PPM1B: variants seen among roughly 807,000 people sequenced by gnomAD.
PPM1B encodes the protein protein phosphatase, Mg2+/Mn2+ dependent 1B.
Under a neutral mutation model 43.0 loss-of-function variants are expected in PPM1B, and 22 were observed. The ratio of observed to expected loss-of-function variants is 0.51; its 90% CI spans 0.37 to 0.73. The LOEUF (loss-of-function observed/expected upper bound fraction) is 0.73. PPM1B is among the 30% of genes least tolerant of loss of function. The pLI, the probability that PPM1B is intolerant of heterozygous loss-of-function variation, is 0.00. For synonymous variants in PPM1B, 217 were observed against 197.9 expected (o/e 1.10, Z -0.81); for missense variants, 632 against 584.2 (o/e 1.08, Z -0.84).
intron 4 of PPM1B, 142 bp downstream of exon 4, chr2:44,218,220 A>C (rs1669815038): frequency 4.2e-6 from 3 of 711,756 alleles, no homozygotes; most frequent in Non-Finnish European, 7.1e-6. Flanking sequence ...AAGAACTCTT[A>C]AAACTTCAAC....
At chr2:44,224,271 T>C (rs1670112210) in intron 5 of PPM1B, among the ~76,000 whole-genome samples, 1 of 152,018 alleles carries the variant, frequency 6.6e-6, no homozygotes, top group African/African-American at 2.4e-5. Flanking sequence ...CTGGCTAACA[T>C]GGTGATACCC....
intron 1 of PPM1B, among the ~76,000 whole-genome samples, chr2:44,177,949 G>C (rs1245628402): frequency 6.8e-6 from 1 of 146,280 alleles, no homozygotes; most frequent in East Asian, 2.0e-4. Flanking sequence ...AGACAGTCCG[G>C]CTCTGTTGCT....
chr2:44,233,614 A>G (rs1038966968), downstream of PPM1B: 10 of 985,820 alleles, frequency 1.0e-5, no homozygotes, highest in African/African-American at 1.7e-4. Flanking sequence ...GCAGGATGTA[A>G]TTGCCCTTGT....
At chr2:44,186,649 A>G (rs1668138405) in intron 1 of PPM1B, among the ~76,000 whole-genome samples, 1 of 152,218 alleles carries the variant, frequency 6.6e-6, no homozygotes, top group South Asian at 2.1e-4. Context: ...TGCTGGGATT[A>G]TTGGCGTGAG....
chr2:44,203,766 A>G (rs942409880), intron 2 of PPM1B, among the ~76,000 whole-genome samples: 25 of 152,164 alleles, frequency 1.6e-4, no homozygotes, highest in African/African-American at 5.8e-4. Flanking sequence ...TTATTGAAAG[A>G]ATGAGGTTGT....
intron 5 of PPM1B, among the ~76,000 whole-genome samples, chr2:44,240,686 C>G (rs959691821): frequency 6.8e-6 from 1 of 146,010 alleles, no homozygotes; most frequent in African/African-American, 2.5e-5. Flanking sequence ...TTTGAAAAGA[C>G]AATTTTCCTG....
At chr2:44,223,926 G>T (rs761390732) in intron 5 of PPM1B, among the ~76,000 whole-genome samples, 1 of 150,094 alleles carries the variant, frequency 6.7e-6, no homozygotes, top group Non-Finnish European at 1.5e-5. Context: ...TTGCTATGTG[G>T]TCTTGACCAT....
At chr2:44,178,763 C>A (rs954102124) in intron 1 of PPM1B, among the ~76,000 whole-genome samples, 4 of 152,078 alleles carry the variant, frequency 2.6e-5, no homozygotes, top group Admixed American at 1.3e-4. Context: ...AGCCACCATG[C>A]CCAGCCAAAA....
intron 1 of PPM1B, among the ~76,000 whole-genome samples, chr2:44,169,671 A>G (rs1372595026): frequency 6.6e-6 from 1 of 152,188 alleles, no homozygotes; most frequent in Non-Finnish European, 1.5e-5. Flanking sequence ...TGAAAACACT[A>G]TCTTTTACCA....
In PPM1B at chr2:44,217,947, T is replaced by G. The variant is rs1306789073; in HGVS notation, c.965-20T>G. ...TGGCTTATCACATTAATTTAGGAAC[T>G]TTTTTTAAAAAACCTACAGAGATTA... On this transcript the variant is annotated intron_variant, in intron 3 of 5. Coordinates refer to ENST00000282412, the MANE Select transcript of PPM1B (RefSeq NM_002706.6). 1.3e-6 allele frequency: 2 copies of G among 1,544,260 alleles called. No individual in the cohort carries two copies. The highest frequency in any genetic ancestry group is 1.4e-5 in the African/African-American group (1 of 71,866).
intron 5 of PPM1B, among the ~76,000 whole-genome samples, chr2:44,225,434 A>G (rs992825720): frequency 3.3e-4 from 51 of 152,254 alleles, no homozygotes; most frequent in African/African-American, 9.4e-4. Flanking sequence ...AGAGAGTTAC[A>G]TAACAGTGTT....
intron 5 of PPM1B, among the ~76,000 whole-genome samples, chr2:44,225,143 C>T (rs947450627): frequency 1.3e-5 from 2 of 152,052 alleles, no homozygotes; most frequent in Admixed American, 1.3e-4. Flanking sequence ...TGTAGGGTAC[C>T]TGTGAGGATT....
chr2:44,221,923 T>C (rs1339457511), intron 5 of PPM1B, among the ~76,000 whole-genome samples: 1 of 152,166 alleles, frequency 6.6e-6, no homozygotes, highest in Non-Finnish European at 1.5e-5. Context: ...CATACTAAAC[T>C]AACTTTTTAG....
chr2:44,199,090 C>T (rs1037816867), intron 1 of PPM1B, among the ~76,000 whole-genome samples: 1 of 151,956 alleles, frequency 6.6e-6, no homozygotes, highest in Non-Finnish European at 1.5e-5. Context: ...AACCCCATCT[C>T]TACTAAAAAT....
chr2:44,234,830 T>G (rs1670568546), downstream of PPM1B, among the ~76,000 whole-genome samples: 1 of 152,236 alleles, frequency 6.6e-6, no homozygotes, highest in African/African-American at 2.4e-5. Flanking sequence ...TGTTAATATA[T>G]AAACCATTTT....
chr2:44,198,158 A>AT (rs1200099219), intron 1 of PPM1B, among the ~76,000 whole-genome samples: 1 of 151,846 alleles, frequency 6.6e-6, no homozygotes, highest in African/African-American at 2.4e-5. Flanking sequence ...AAGTTTTATG[A>AT]TTTTTTGTTT....
At chr2:44,176,635 TTTGGTAAAGAGGCC>T (rs1305890430) in intron 1 of PPM1B, among the ~76,000 whole-genome samples, 2 of 152,222 alleles carry the variant, frequency 1.3e-5, no homozygotes, top group African/African-American at 4.8e-5. Context: ...ACTGAACCAG[TTTGGTAAAGAGGCC>T]TCTTCTTCAG....
In PPM1B at chr2:44,207,329, G is replaced by A. The variant is rs79771334; in HGVS notation, c.847-1881G>A. Among the ~76,000 whole-genome samples, 1,116 of 152,158 alleles carry A rather than the reference G, an allele frequency of 7.3e-3. 10 individuals are homozygous for A. The highest frequency in any genetic ancestry group is 0.025 in the African/African-American group (1,058 of 41,504). ...AAAGACTAGAAAGGGTGTGGTCTTG[G>A]TTTCTTTCACTTGAGTTGGCAAATT... On this transcript the variant is annotated intron_variant, in intron 2 of 5. Coordinates refer to ENST00000282412, the MANE Select transcript of PPM1B (RefSeq NM_002706.6).
At chr2:44,185,981 G>A (rs1005285662) in intron 1 of PPM1B, among the ~76,000 whole-genome samples, 6 of 152,170 alleles carry the variant, frequency 3.9e-5, no homozygotes, top group African/African-American at 1.4e-4. Flanking sequence ...TTGGAAGAAA[G>A]GATGTGAGCT....
Sources: gnomAD v4.1 joint callset for allele counts (sites outside exome capture counted in the v4.1 genomes callset) on GRCh38, gnomAD v4.1.1 for gene constraint, MANE v1.5 for transcripts, NCBI Gene and HGNC (gene_info 2026-07-23, HGNC 2026-07-21) for gene names.